CDYL2: variants seen among roughly 807,000 people sequenced by gnomAD.
CDYL2 encodes chromodomain Y-like protein 2.
Under a neutral mutation model 49.4 loss-of-function variants are expected in CDYL2, and 23 were observed. The ratio of observed to expected loss-of-function variants is 0.47; its 90% confidence interval spans 0.34 to 0.66. CDYL2 has a LOEUF of 0.66. Among genes scored for constraint, CDYL2 ranks in the 30% least tolerant of loss-of-function variants. The pLI is 0.01. For synonymous variants in CDYL2, 360 were observed against 268.8 expected, an observed-to-expected ratio of 1.34 and a Z score of -3.32; for missense variants, 678 against 656.4, an observed-to-expected ratio of 1.03 and a Z score of -0.36.
At chr16:80,759,208 A>G (rs907966796) in intron 1 of CDYL2, among the ~76,000 whole-genome samples, 4 of 144,290 alleles carry the variant, frequency 2.8e-5, no homozygotes, top group Admixed American at 2.1e-4. Context: ...TTGATATGTT[A>G]ATCTACCTAT....
intron 1 of CDYL2, among the ~76,000 whole-genome samples, chr16:80,803,478 C>T (rs1177385057): frequency 6.6e-6 from 1 of 152,108 alleles, no homozygotes; most frequent in Non-Finnish European, 1.5e-5. Context: ...AAGGGCCACC[C>T]CCACGCCCGA....
At chr16:80,735,368 G>C (rs936980683) in intron 1 of CDYL2, among the ~76,000 whole-genome samples, 2 of 152,202 alleles carry the variant, frequency 1.3e-5, no homozygotes, top group Non-Finnish European at 1.5e-5. Context: ...CATCCTTAAA[G>C]AGTTTTACAA....
chr16:80,792,697 G>C (rs1907648172), intron 1 of CDYL2, among the ~76,000 whole-genome samples: 1 of 152,094 alleles, frequency 6.6e-6, no homozygotes, highest in Non-Finnish European at 1.5e-5. Context: ...CTCCACCCAG[G>C]AGTATCACGT....
At chr16:80,718,597 T>A (rs1477193808) in intron 1 of CDYL2, among the ~76,000 whole-genome samples, 1 of 152,150 alleles carries the variant, frequency 6.6e-6, no homozygotes, top group South Asian at 2.1e-4. Flanking sequence ...GCAGCCAGGC[T>A]CAGGAGCTAG....
rs1438602040 is a variant in CDYL2 at position 80,599,846 on chromosome 16, C to T, written c.*4542G>A. ...TGAAGGTGTCTCTGGAAAACCTATC[C>T]TTGGTCTATTCTTATGGCCAAAGAC... On this transcript the variant is annotated 3_prime_UTR_variant, in exon 7 of 7. Coordinates refer to ENST00000570137, the MANE Select transcript of CDYL2 (RefSeq NM_152342.4). The T allele has an allele frequency of 6.6e-6, 1 of 152,144 alleles. No homozygotes were observed. The highest frequency in any genetic ancestry group is 1.9e-4 in the East Asian group (1 of 5,198). The allele number at this position is 152,144 out of a possible 1,614,324, so 9.4% of individuals were successfully genotyped here. A position where few individuals can be genotyped will look rare whatever the true frequency, so the allele number is the denominator to read the frequency against.
chr16:80,639,638 T>G (rs532613751), intron 2 of CDYL2: 2 of 453,858 alleles, frequency 4.4e-6, no homozygotes, highest in East Asian at 7.0e-5. Flanking sequence ...AAAAATACCT[T>G]CATAAGAACA....
intron 2 of CDYL2, among the ~76,000 whole-genome samples, chr16:80,676,177 A>G (rs1225233757): frequency 1.3e-5 from 2 of 152,242 alleles, no homozygotes; most frequent in Non-Finnish European, 2.9e-5. Flanking sequence ...TAACACCACC[A>G]CATCAAAGGG....
chr16:80,622,361 G>A lies in CDYL2; in HGVS notation c.835-1426C>T, dbSNP rs74441822. ...TCCCCACCCCTTGTGGGGTTGCCCA[G>A]GCTCCTTGATTCTGAAGGTCCTTTT... On this transcript the variant is annotated intron_variant, in intron 3 of 6. Transcript: ENST00000570137. 8.6e-3 allele frequency among the ~76,000 whole-genome samples: 1,302 copies of A among 152,134 alleles called. 31 individuals carry two copies. Among genetic ancestry groups the A allele is most frequent in the African/African-American group, 0.029 (1,212 of 41,490 alleles).
In CDYL2 at chr16:80,670,663, C is replaced by T. The variant is rs570361360; in HGVS notation, c.616+13875G>A. Among the ~76,000 whole-genome samples the T allele has an allele frequency of 1.8e-4, 27 of 152,250 alleles. No individual in the cohort carries two copies. In the East Asian group the frequency reaches 2.5e-3, roughly 14 times the overall value. On this transcript the variant is annotated intron_variant, in intron 2 of 6. Coordinates refer to ENST00000570137, the MANE Select transcript of CDYL2 (RefSeq NM_152342.4). ...AACCCCGGGGCTCCGTGGACGGCAA[C>T]GTCTTAATGACACGAGGTGCGCAAA...
At chr16:80,676,169 ACAC>A (rs763828263) in intron 2 of CDYL2, among the ~76,000 whole-genome samples, 3 of 152,182 alleles carry the variant, frequency 2.0e-5, no homozygotes, top group Non-Finnish European at 4.4e-5. Flanking sequence ...CAGGGTCTTA[ACAC>A]CACCACATCA....
intron 2 of CDYL2, among the ~76,000 whole-genome samples, chr16:80,656,540 G>A (rs1324095539): frequency 6.6e-6 from 1 of 152,206 alleles, no homozygotes; most frequent in Non-Finnish European, 1.5e-5. Context: ...TACATATCTG[G>A]AAAATAGGAA....
intron 3 of CDYL2, among the ~76,000 whole-genome samples, chr16:80,629,585 T>C (rs1292617621): frequency 6.6e-6 from 1 of 152,170 alleles, no homozygotes; most frequent in Non-Finnish European, 1.5e-5. Flanking sequence ...GTCATCTGTT[T>C]CACTGACTCT....
chr16:80,689,477 G>C (rs1022722266), intron 1 of CDYL2, among the ~76,000 whole-genome samples: 1 of 152,198 alleles, frequency 6.6e-6, no homozygotes, highest in Non-Finnish European at 1.5e-5. Context: ...AGAGAAGGTA[G>C]GTAACTTTCC....
intron 1 of CDYL2, among the ~76,000 whole-genome samples, chr16:80,732,030 G>C (rs1011600826): frequency 6.6e-5 from 10 of 152,036 alleles, no homozygotes; most frequent in African/African-American, 2.4e-4. Context: ...AAATTTTCTG[G>C]CCAAGGATAG....
chr16:80,723,958 G>C (rs1382892407), intron 1 of CDYL2, among the ~76,000 whole-genome samples: 1 of 148,900 alleles, frequency 6.7e-6, no homozygotes, highest in East Asian at 2.0e-4. Context: ...AAAAAGGGGG[G>C]AGAAAGAGGA....
intron 1 of CDYL2, among the ~76,000 whole-genome samples, chr16:80,713,024 T>C (rs1487043301): frequency 3.9e-5 from 6 of 152,172 alleles, no homozygotes; most frequent in Non-Finnish European, 7.3e-5. Context: ...GCTTCGCTCA[T>C]TGTTTTCAGC....
intron 1 of CDYL2, among the ~76,000 whole-genome samples, chr16:80,737,291 T>C (rs1297865337): frequency 6.6e-6 from 1 of 152,174 alleles, no homozygotes; most frequent in Non-Finnish European, 1.5e-5. Flanking sequence ...TCTGGTATAG[T>C]GGCTTTTACT....
chr16:80,742,126 A>C (rs1202082475), intron 1 of CDYL2: 1 of 152,262 alleles, frequency 6.6e-6, no homozygotes, highest in African/African-American at 2.4e-5. Context: ...ACAGAGATCA[A>C]GAATCATCCA....
intron 1 of CDYL2, among the ~76,000 whole-genome samples, chr16:80,691,459 C>T (rs1483442267): frequency 6.6e-6 from 1 of 152,156 alleles, no homozygotes; most frequent in Non-Finnish European, 1.5e-5. Flanking sequence ...TGGCTCAGAG[C>T]CATGTAAACC....
Sources: allele counts gnomAD v4.1 joint callset (sites outside exome capture counted in the v4.1 genomes callset), GRCh38; gene constraint gnomAD v4.1.1; transcripts MANE v1.5; gene names NCBI Gene and HGNC (gene_info 2026-07-23, HGNC 2026-07-21).